Variants in OC90 observed in about 807,000 individuals in gnomAD.
OC90 encodes otoconin-90.
OC90 carries 46 observed loss-of-function variants against 47.3 expected under a neutral mutation model. The ratio of observed to expected loss-of-function variants is 0.97; its 90% CI spans 0.77 to 1.24. The LOEUF (loss-of-function observed/expected upper bound fraction) is 1.24. OC90 is among the 50% of genes most tolerant of loss of function. OC90 has a pLI of 0.00. For synonymous variants in OC90, 271 were observed against 219.5 expected (o/e 1.23, Z -2.07); for missense variants, 688 against 583.9 (o/e 1.18, Z -1.84).
rs1822832590 is a variant in OC90, at chr8:132,029,073, A to G, written c.1138T>C (p.Cys380Arg). The change falls in exon 13 of 14, where the codon TGT (cysteine) becomes CGT (arginine). Residue 380 changes from cysteine (C) to arginine (R), a missense_variant and splice_region_variant. Coordinates refer to ENST00000254627, the MANE Select transcript of OC90 (RefSeq NM_001080399.3). ...TCAATGTGCAACCAACAGCACTTAC[A>G]CTTGGGCGTATGATCCACACACACC... ...PVVCVDHTPK[C>R]GGQSLCEKLL... is the part of the protein sequence containing the mutation. The G allele has an allele frequency of 6.2e-7, 1 of 1,607,848 alleles. No homozygotes were observed. Among genetic ancestry groups the G allele is most frequent in the Non-Finnish European group, 8.5e-7 (1 of 1,174,286 alleles).
chr8:132,036,276 G>T, intron 9 of OC90: 1 of 757,152 alleles, frequency 1.3e-6, no homozygotes, highest in Non-Finnish European at 2.4e-6. Flanking sequence ...GTTCCATTAA[G>T]AAGTGGTCAC....
chr8:132,039,192 C>T, intron 6 of OC90, 69 bp from the exon 7 acceptor site: 1 of 1,514,000 alleles, frequency 6.6e-7, no homozygotes, highest in Non-Finnish European at 9.0e-7. Flanking sequence ...ATGCAAGCTC[C>T]AAGACTGAGT....
intron 4 of OC90, among the ~76,000 whole-genome samples, chr8:132,043,883 T>C (rs2130859980): frequency 6.6e-6 from 1 of 152,254 alleles, no homozygotes; most frequent in East Asian, 1.9e-4. Context: ...TGAGTGTCTT[T>C]GTTCATGTCA....
Position 132,038,755 on chromosome 8 carries a change from G to A in OC90, c.628+35C>T, listed in dbSNP as rs1266300566. 1.9e-6 allele frequency: 3 copies of A among 1,586,618 alleles called. No individual in the cohort carries two copies. In the African/African-American group the frequency reaches 4.0e-5, roughly 21 times the overall value. On this transcript the variant is annotated intron_variant, in intron 8 of 13. Transcript: ENST00000254627. ...GGCTCCCATCAGCATCTGGGCCCTT[G>A]TGGTTCAAGAGCCACCAACCCTGGG...
chr8:132,052,152 G>T (rs965424733), intron 2 of OC90, among the ~76,000 whole-genome samples: 1 of 152,068 alleles, frequency 6.6e-6, no homozygotes, highest in Non-Finnish European at 1.5e-5. Context: ...CCAGGTTTGC[G>T]GAATGGTTCC....
chr8:132,037,855 A>G (rs1476655903), intron 8 of OC90, among the ~76,000 whole-genome samples: 2 of 152,206 alleles, frequency 1.3e-5, no homozygotes, highest in Non-Finnish European at 2.9e-5. Context: ...GACTCAGAAG[A>G]TACATAGAGA....
intron 13 of OC90, among the ~76,000 whole-genome samples, chr8:132,027,840 A>C (rs1822781646): frequency 6.6e-6 from 1 of 152,200 alleles, no homozygotes; most frequent in Admixed American, 6.5e-5. Flanking sequence ...TCCTTGGGAA[A>C]AGGACTCTGT....
intron 6 of OC90, among the ~76,000 whole-genome samples, chr8:132,040,542 C>A (rs1823037064): frequency 6.6e-6 from 1 of 152,156 alleles, no homozygotes; most frequent in Non-Finnish European, 1.5e-5. Context: ...TTCTTACTGG[C>A]AACCACCACC....
At chr8:132,025,143 T>C (rs1822737494) in intron 13 of OC90, among the ~76,000 whole-genome samples, 1 of 152,204 alleles carries the variant, frequency 6.6e-6, no homozygotes, top group African/African-American at 2.4e-5. Context: ...GTATAGTCAT[T>C]GTCTGTTTAT....
At chr8:132,027,199 T>C (rs1250026537) in intron 13 of OC90, among the ~76,000 whole-genome samples, 1 of 152,200 alleles carries the variant, frequency 6.6e-6, no homozygotes, top group Non-Finnish European at 1.5e-5. Context: ...ATTAGAATAG[T>C]TAGTCGCTTG....
Position 132,040,916 on chromosome 8 carries a change from C to G in OC90, c.457+128G>C, listed in dbSNP as rs375137688. 4.4e-5 allele frequency: 29 copies of G among 666,276 alleles called. No individual in the cohort carries two copies. The East Asian group carries it at 6.2e-4, about 14-fold the overall frequency. 41.3% of individuals were successfully genotyped at this position (666,276 alleles called of 1,614,324 possible). A position where few individuals can be genotyped will look rare whatever the true frequency, so the allele number is the denominator to read the frequency against. Reference sequence around the variant, plus strand: ...TCCAGCCCTCGTGGGGCTCTAAGTGCTGCCAACGATGCTGCCAGTGGTGAC... The same window carrying G: ...TCCAGCCCTCGTGGGGCTCTAAGTGGTGCCAACGATGCTGCCAGTGGTGAC... On this transcript the variant is annotated intron_variant, in intron 6 of 13. Transcript: ENST00000254627.
chr8:132,053,833 C>A (rs991164808), intron 2 of OC90, among the ~76,000 whole-genome samples: 1 of 152,200 alleles, frequency 6.6e-6, no homozygotes, highest in African/African-American at 2.4e-5. Context: ...CTGGCTGACG[C>A]CTGCCCTTGG....
At chr8:132,057,981 T>C (rs574332356) in intron 1 of OC90, among the ~76,000 whole-genome samples, 1 of 152,366 alleles carries the variant, frequency 6.6e-6, no homozygotes, top group Non-Finnish European at 1.5e-5. Context: ...TGAGACAAAC[T>C]AAGCATTCCA....
rs189545784 is a variant in OC90 at position 132,024,322 on chromosome 8, G to C, written c.*159C>G. 260 of 581,118 alleles carry C rather than the reference G, an allele frequency of 4.5e-4. No individual in the cohort carries two copies. Among genetic ancestry groups the C allele is most frequent in the African/African-American group, 4.4e-3 (236 of 54,116 alleles). 36.0% of individuals were successfully genotyped at this position (581,118 alleles called of 1,614,324 possible). A position where few individuals can be genotyped will look rare whatever the true frequency, so the allele number is the denominator to read the frequency against. On this transcript the variant is annotated 3_prime_UTR_variant, in exon 14 of 14. Transcript: ENST00000254627. ...ATTGGCTTGTGAGGTGACCACAGCT[G>C]ATGAGGCATGGGCAGGGCTCACGGC...
In OC90 at chr8:132,033,161, G is replaced by A; in HGVS notation, c.737C>T (p.Ser246Phe). 1 of 1,604,388 alleles carries A rather than the reference G, an allele frequency of 6.2e-7. No homozygotes were observed. The highest frequency in any genetic ancestry group is 2.2e-5 in the East Asian group (1 of 44,734). ...GAARATSPPGSAEIVATRVTA... is the reference protein window; with the variant it reads ...GAARATSPPGFAEIVATRVTA... ...AACCCTTGTTGCAACTATCTCTGCA[G>A]ATCCTGAAAATGAAAAACTTCATGA... is the stretch of plus-strand genomic sequence containing the variant. The change falls in exon 11 of 14, where the codon TCT becomes TTT. Residue 246 changes from serine (S) to phenylalanine (F), a missense_variant. By Grantham distance (155) the Ser-to-Phe change is radical. Transcript: ENST00000254627.
At chr8:132,030,798 G>A (rs944979922) in intron 12 of OC90, among the ~76,000 whole-genome samples, 8 of 152,176 alleles carry the variant, frequency 5.3e-5, no homozygotes, top group East Asian at 1.9e-4. Flanking sequence ...TAATGAAGCC[G>A]GGATGGCTGA....
intron 2 of OC90, among the ~76,000 whole-genome samples, chr8:132,048,149 G>A (rs1823160608): frequency 6.6e-6 from 1 of 152,168 alleles, no homozygotes; most frequent in Non-Finnish European, 1.5e-5. Context: ...ACTGTTAGAA[G>A]TGAAATTCTG....
chr8:132,039,845 T>C (rs1366839010), intron 6 of OC90, among the ~76,000 whole-genome samples: 1 of 152,066 alleles, frequency 6.6e-6, no homozygotes. Context: ...ACCCTCATCA[T>C]CTCCAGGAGG....
At position 132,028,706 on chromosome 8, in the gene OC90, C is replaced by CAGAAAGAAAGAAAGAAAGAAAGAA. The variant is rs796523905; in HGVS notation, c.1138+366_1138+367insTTCTTTCTTTCTTTCTTTCTTTCT. ...AGAAAGAGAAAGAAAGAAAGAGAGA[C>CAGAAAGAAAGAAAGAAAGAAAGAA]AGAAAGAAAGAAAGAAAGAGAAAGA... On this transcript the variant is annotated intron_variant, in intron 13 of 13. Transcript: ENST00000254627. 1.6e-3 allele frequency among the ~76,000 whole-genome samples: 186 copies of CAGAAAGAAAGAAAGAAAGAAAGAA among 113,030 alleles called. 4 individuals are homozygous for CAGAAAGAAAGAAAGAAAGAAAGAA. The highest frequency in any genetic ancestry group is 6.0e-3 in the African/African-American group (177 of 29,442). 74.2% of individuals were successfully genotyped at this position (113,030 alleles called of 152,430 possible).
Sources: allele counts gnomAD v4.1 joint callset (sites outside exome capture counted in the v4.1 genomes callset), GRCh38; gene constraint gnomAD v4.1.1; transcripts MANE v1.5; gene names NCBI Gene and HGNC (gene_info 2026-07-23, HGNC 2026-07-21).